Variants in COL4A1 observed in about 807,000 individuals in gnomAD.
COL4A1 encodes the protein collagen type IV alpha 1 chain, also known as collagen alpha-1(IV) chain.
A neutral mutation model predicts 216.6 loss-of-function variants in COL4A1; 40 were observed. That is an observed-to-expected ratio of 0.18 (90% CI 0.14 to 0.24). The LOEUF (loss-of-function observed/expected upper bound fraction) is 0.24. COL4A1 is among the 10% of genes least tolerant of loss of function. The pLI is 1.00. For synonymous variants in COL4A1, 839 were observed against 810.7 expected (o/e 1.03, Z -0.59); for missense variants, 1,628 against 2,196.8 (o/e 0.74, Z 5.18).
intron 1 of COL4A1, among the ~76,000 whole-genome samples, chr13:110,267,792 C>A (rs1883098417): frequency 6.6e-6 from 1 of 152,116 alleles, no homozygotes; most frequent in South Asian, 2.1e-4. Flanking sequence ...AAATAAGACA[C>A]ACAATACATG....
rs1222089552 is a variant in COL4A1 at position 110,307,045 on chromosome 13, G to C, written c.-18C>G. The C allele has an allele frequency of 6.9e-7, 1 of 1,450,928 alleles. No homozygotes were observed. The highest frequency in any genetic ancestry group is 9.0e-7 in the Non-Finnish European group (1 of 1,106,268). 89.9% of individuals were successfully genotyped at this position (1,450,928 alleles called of 1,614,324 possible). A position where few individuals can be genotyped will look rare whatever the true frequency, so the allele number is the denominator to read the frequency against. On this transcript the variant is annotated 5_prime_UTR_variant, in exon 1 of 52. Transcript: ENST00000375820. This position sits in a 1 kb window ranked among gnomAD's most constrained non-coding sequence, Gnocchi z 5.0. ...GGCCCCATGGTGGCGCGCCCGAGGC[G>C]GCGAGGGACGGCTGCCCGGCGTGCG...
chr13:110,279,624 T>C (rs981803659), intron 1 of COL4A1, among the ~76,000 whole-genome samples: 94 of 152,210 alleles, frequency 6.2e-4, no homozygotes, highest in Admixed American at 2.6e-3. Context: ...CTTGTGTCTT[T>C]TCTTGCAGGG....
At chr13:110,170,085 AGGAGGGAGGGAGAGAG>A in intron 42 of COL4A1, among the ~76,000 whole-genome samples, 2 of 102,614 alleles carry the variant, frequency 1.9e-5, no homozygotes, top group African/African-American at 7.9e-5. Context: ...GGGGAGGGGA[AGGAGGGAGGGAGAGAG>A]GAAGGGAGGA....
In COL4A1 at chr13:110,163,527, T is replaced by C; in HGVS notation, c.4185A>G (p.Pro1395=). ...VTGLVGIPGP[P]GIPGFDGAPG... ...GGGCACCGTCAAACCCAGGAATACC[T>C]GGAGGTCCAGGTATACCCACCAATC... The change falls in exon 47 of 52, where the codon CCA becomes CCG. Residue 1395 remains proline, a synonymous_variant. Coordinates refer to ENST00000375820, the MANE Select transcript of COL4A1 (RefSeq NM_001845.6). 1 of 1,614,154 alleles carries C rather than the reference T, an allele frequency of 6.2e-7. No homozygotes were observed. The highest frequency in any genetic ancestry group is 8.5e-7 in the Non-Finnish European group (1 of 1,180,012).
At chr13:110,208,915 A>G (rs1201809123) in intron 11 of COL4A1, 25 bp from the exon 12 acceptor site, 2 of 1,612,340 alleles carry the variant, frequency 1.2e-6, no homozygotes, top group Admixed American at 3.3e-5. Flanking sequence ...TTAGGCTCTC[A>G]TTATTAGATT....
chr13:110,269,925 C>T (rs1053031596), intron 1 of COL4A1, among the ~76,000 whole-genome samples: 3 of 152,158 alleles, frequency 2.0e-5, no homozygotes, highest in Admixed American at 6.5e-5. Context: ...GCTGGCACTG[C>T]GAGACCAGAA....
intron 49 of COL4A1, among the ~76,000 whole-genome samples, chr13:110,157,513 A>G (rs1014612095): frequency 2.0e-5 from 3 of 152,248 alleles, no homozygotes; most frequent in Non-Finnish European, 2.9e-5. Context: ...GCTCAGAGAC[A>G]GGGACAAAGG....
At chr13:110,300,865 A>C (rs1884464848) in intron 1 of COL4A1, among the ~76,000 whole-genome samples, 1 of 152,230 alleles carries the variant, frequency 6.6e-6, no homozygotes, top group Admixed American at 6.5e-5. Context: ...GAAACACAAA[A>C]GCCCAAGTGG....
intron 41 of COL4A1, among the ~76,000 whole-genome samples, chr13:110,172,435 C>T: frequency 6.6e-6 from 1 of 152,200 alleles, no homozygotes; most frequent in Non-Finnish European, 1.5e-5. Context: ...ACCTTCTAGG[C>T]ATAAAAATGA....
intron 49 of COL4A1, among the ~76,000 whole-genome samples, chr13:110,160,849 C>G (rs138309639): frequency 6.6e-6 from 1 of 152,308 alleles, no homozygotes; most frequent in East Asian, 1.9e-4. Flanking sequence ...GCTGGGACCA[C>G]AGGCTCACAC....
In COL4A1 at chr13:110,230,120, C is replaced by T. The variant is rs1026547768; in HGVS notation, c.144+12555G>A. On this transcript the variant is annotated intron_variant, in intron 2 of 51. Coordinates refer to ENST00000375820, the MANE Select transcript of COL4A1 (RefSeq NM_001845.6). ...GACGAGGAGGGCTCCATTCAGGCCA[C>T]GTGGTGGAGGGGGAGGGCTGGGAGG... 3.9e-3 allele frequency among the ~76,000 whole-genome samples: 89 copies of T among 22,560 alleles called. 1 individual carries two copies. The highest frequency in any genetic ancestry group is 0.031 in the East Asian group (1 of 32). The allele number at this position is 22,560 out of a possible 152,430, so 14.8% of individuals were successfully genotyped here.
intron 2 of COL4A1, among the ~76,000 whole-genome samples, chr13:110,233,371 A>T (rs1255568826): frequency 6.6e-6 from 1 of 152,170 alleles, no homozygotes; most frequent in Non-Finnish European, 1.5e-5. Flanking sequence ...GTATTCTATT[A>T]ACCCATTTAG....
chr13:110,224,726 A>G (rs1157216844), intron 2 of COL4A1, among the ~76,000 whole-genome samples: 1 of 152,222 alleles, frequency 6.6e-6, no homozygotes, highest in Non-Finnish European at 1.5e-5. Flanking sequence ...AAATGTTGAA[A>G]AATGCCAATT....
intron 1 of COL4A1, among the ~76,000 whole-genome samples, chr13:110,306,487 C>T (rs1163874867): frequency 6.6e-6 from 1 of 152,174 alleles, no homozygotes; most frequent in Non-Finnish European, 1.5e-5. Flanking sequence ...GAGAAATACG[C>T]CCAAAGCTGC....
At chr13:110,195,148 C>T in intron 21 of COL4A1, 30 bp from the exon 22 acceptor site, 1 of 1,590,558 alleles carries the variant, frequency 6.3e-7, no homozygotes, top group South Asian at 1.1e-5. Context: ...GTTATAGGAT[C>T]ATAGCTAGGT....
intron 1 of COL4A1, among the ~76,000 whole-genome samples, chr13:110,263,561 C>T (rs1882910606): frequency 6.6e-6 from 1 of 152,186 alleles, no homozygotes; most frequent in Non-Finnish European, 1.5e-5. Context: ...TCATGCGATC[C>T]TCCTGCCCCA....
chr13:110,156,145 A>G (rs955619466), intron 49 of COL4A1, among the ~76,000 whole-genome samples: 1 of 152,242 alleles, frequency 6.6e-6, no homozygotes, highest in Non-Finnish European at 1.5e-5. Context: ...GAAAATAGGA[A>G]GGCAAAGCTC....
chr13:110,306,579 AC>A (rs899059192), intron 1 of COL4A1, among the ~76,000 whole-genome samples: 2 of 151,706 alleles, frequency 1.3e-5, no homozygotes, highest in Non-Finnish European at 2.9e-5. Context: ...CCAGCCCCCA[AC>A]TCCCTCGCGC....
chr13:110,284,846 A>G (rs1038178942), intron 1 of COL4A1, among the ~76,000 whole-genome samples: 7 of 152,234 alleles, frequency 4.6e-5, no homozygotes, highest in East Asian at 1.9e-4. Context: ...CTTTCTGCCT[A>G]TTTCATCTCC....
Sources: gnomAD v4.1 joint callset for allele counts (sites outside exome capture counted in the v4.1 genomes callset) on GRCh38, gnomAD v4.1.1 for gene constraint, Gnocchi (gnomAD v3.1) non-coding constraint, MANE v1.5 for transcripts, NCBI Gene and HGNC (gene_info 2026-07-23, HGNC 2026-07-21) for gene names.